ZNF510: variants seen among roughly 807,000 people sequenced by gnomAD.
ZNF510 encodes zinc finger protein 510.
In ZNF510, 15 loss-of-function variants were observed where a neutral mutation model predicts 18.1. That is an observed-to-expected ratio of 0.83 (90% confidence interval 0.55 to 1.28). The LOEUF (loss-of-function observed/expected upper bound fraction) is 1.28. Among genes scored for constraint, ZNF510 ranks in the 50% most tolerant of loss-of-function variants. The pLI is 0.00. For missense variants in ZNF510, 724 were observed against 791.8 expected, an observed-to-expected ratio of 0.91 and a Z score of 1.03; for synonymous variants, 261 against 266.4, an observed-to-expected ratio of 0.98 and a Z score of 0.20.
At position 96,755,717 on chromosome 9, in the gene ZNF510, G is replaced by C. The variant is rs1019869454; in HGVS notation, c.*3061C>G. ...TATCAGAATGTTTAATCAGTCATAT[G>C]CACTATCTTTACAAATGACAATTTA... is the stretch of plus-strand genomic sequence containing the variant. On this transcript the variant is annotated 3_prime_UTR_variant, in exon 6 of 6. Coordinates refer to ENST00000223428, the MANE Select transcript of ZNF510 (RefSeq NM_014930.3). 6.6e-6 allele frequency: 1 copy of C among 152,126 alleles called. No homozygotes were observed. Among genetic ancestry groups the C allele is most frequent in the Non-Finnish European group, 1.5e-5 (1 of 68,020 alleles). 9.4% of individuals were successfully genotyped at this position (152,126 alleles called of 1,614,324 possible).
Position 96,774,801 on chromosome 9 carries a change from A to AT in ZNF510, c.115dup (p.Met39AsnfsTer85). On this transcript the variant is annotated frameshift_variant, in exon 3 of 6. Transcript: ENST00000223428. LOFTEE classifies it high-confidence loss of function. The stretch of plus-strand genomic sequence containing the variant: ...TAATTAACTCACCTGAGATATGTTC[A>AT]TTTTCTGCTGCTCCTGAAAGAGTGT... The AT allele has an allele frequency of 3.1e-6, 5 of 1,613,778 alleles. No homozygotes were observed. The highest frequency in any genetic ancestry group is 4.2e-6 in the Non-Finnish European group (5 of 1,179,956).
In ZNF510 at chr9:96,759,842, TAA is replaced by T; in HGVS notation, c.986_987del (p.Leu329GlnfsTer8). 1 of 1,613,674 alleles carries T rather than the reference TAA, an allele frequency of 6.2e-7. No homozygotes were observed. The highest frequency in any genetic ancestry group is 1.3e-5 in the African/African-American group (1 of 75,042). ...EKSTVEEYNK[L>X]NMGIKHYELN... ...AATTCATAATGTTTTATACCCATAT[TAA>T]GTTTATTATATTCCTCCACAGTTGA... is the stretch of plus-strand genomic sequence containing the variant. On this transcript the variant is annotated frameshift_variant, in exon 6 of 6. Coordinates refer to ENST00000223428, the MANE Select transcript of ZNF510 (RefSeq NM_014930.3). LOFTEE classifies it low-confidence loss of function (END_TRUNC).
intron 3 of ZNF510, among the ~76,000 whole-genome samples, chr9:96,773,556 A>C (rs1849626610): frequency 6.6e-6 from 1 of 151,966 alleles, no homozygotes; most frequent in Non-Finnish European, 1.5e-5. Flanking sequence ...CAGCTCTCAG[A>C]AGGAACCAAA....
intron 3 of ZNF510, among the ~76,000 whole-genome samples, chr9:96,766,681 A>C (rs752016159): frequency 3.9e-5 from 6 of 152,232 alleles, no homozygotes; most frequent in Non-Finnish European, 5.9e-5. Context: ...AATTACAAAA[A>C]ATTACAATCA....
intron 5 of ZNF510, among the ~76,000 whole-genome samples, chr9:96,762,204 T>TAAAAAAAAAAAA (rs551652153): frequency 1.0e-5 from 1 of 99,460 alleles, no homozygotes; most frequent in Non-Finnish European, 2.1e-5. Flanking sequence ...CTGTGGAAAT[T>TAAAAAAAAAAAA]AAAAAAAAAA....
At chr9:96,776,722 T>C (rs1372667707) in intron 1 of ZNF510, among the ~76,000 whole-genome samples, 1 of 151,932 alleles carries the variant, frequency 6.6e-6, no homozygotes, top group Non-Finnish European at 1.5e-5. Context: ...GAGGTGGAGG[T>C]TGCAGTGAGC....
At chr9:96,771,025 G>A (rs996930425) in intron 3 of ZNF510, among the ~76,000 whole-genome samples, 4 of 152,174 alleles carry the variant, frequency 2.6e-5, no homozygotes, top group African/African-American at 9.7e-5. Context: ...AAACTCCAAT[G>A]CTAGACTACC....
intron 3 of ZNF510, among the ~76,000 whole-genome samples, chr9:96,764,208 G>T (rs1849418662): frequency 6.6e-6 from 1 of 152,040 alleles, no homozygotes; most frequent in Non-Finnish European, 1.5e-5. Flanking sequence ...GCCAAAAAAT[G>T]TAAATAAACT....
chr9:96,777,063 C>T (rs1480962995), intron 1 of ZNF510, among the ~76,000 whole-genome samples: 2 of 152,170 alleles, frequency 1.3e-5, no homozygotes, highest in Non-Finnish European at 2.9e-5. Flanking sequence ...ACTAGTTTAA[C>T]ATTTAAAATT....
chr9:96,765,137 C>CAAA (rs1178042123), intron 3 of ZNF510, among the ~76,000 whole-genome samples: 12 of 151,996 alleles, frequency 7.9e-5, no homozygotes, highest in Non-Finnish European at 1.0e-4. Flanking sequence ...ACAACAACAA[C>CAAA]AAAAAACTGA....
In ZNF510 at chr9:96,759,184, C is replaced by T; in HGVS notation, c.1646G>A (p.Cys549Tyr). Residue 549 changes from cysteine (C) to tyrosine (Y), a missense_variant, in exon 6 of 6, where the codon TGT (cysteine) becomes TAT (tyrosine). Transcript: ENST00000223428. Reference sequence around the variant, plus strand: ...ATCTTTTCGCCAGAAGGATTTTTCACATTCATTACACTGGTAAGTTTTCTC... The same window carrying T: ...ATCTTTTCGCCAGAAGGATTTTTCATATTCATTACACTGGTAAGTTTTCTC... ...TGEKTYQCNE[C>Y]EKSFWRKDHL... 6.2e-7 allele frequency: 1 copy of T among 1,613,750 alleles called. No individual in the cohort carries two copies. Among genetic ancestry groups the T allele is most frequent in the Non-Finnish European group, 8.5e-7 (1 of 1,179,944 alleles).
intron 2 of ZNF510, 48 bp downstream of exon 2, chr9:96,775,952 T>C: frequency 6.3e-7 from 1 of 1,575,520 alleles, no homozygotes; most frequent in Non-Finnish European, 8.6e-7. Flanking sequence ...TAATGTGGCT[T>C]TTCCTGTGCA....
chr9:96,775,954 T>C, intron 2 of ZNF510, 46 bp downstream of exon 2: 1 of 1,577,828 alleles, frequency 6.3e-7, no homozygotes, highest in South Asian at 1.2e-5. Context: ...ATGTGGCTTT[T>C]CCTGTGCAGT....
rs763893442 is a variant in ZNF510, at chr9:96,759,763, G to A, written c.1067C>T (p.Thr356Ile). Reference sequence around the variant, plus strand: ...CAATGGGTTCTCTTCTATGACAGCTGTTTGAGGATCAGTGAGGTGTGCCTT... The same window carrying A: ...CAATGGGTTCTCTTCTATGACAGCTATTTGAGGATCAGTGAGGTGTGCCTT... ...NRKAHLTDPQ[T>I]AVIEENPLVS... Residue 356 changes from threonine (T) to isoleucine (I), a missense_variant, in exon 6 of 6, where the codon ACA becomes ATA. By Grantham distance (89) the Thr-to-Ile change is moderately conservative. Coordinates refer to ENST00000223428, the MANE Select transcript of ZNF510 (RefSeq NM_014930.3). 4 of 1,614,034 alleles carry A rather than the reference G, an allele frequency of 2.5e-6. No homozygotes were observed. The highest frequency in any genetic ancestry group is 3.4e-6 in the Non-Finnish European group (4 of 1,179,992).
chr9:96,775,500 C>T (rs1177756519), intron 2 of ZNF510, among the ~76,000 whole-genome samples: 1 of 151,906 alleles, frequency 6.6e-6, no homozygotes, highest in African/African-American at 2.4e-5. Context: ...AAACACAAAA[C>T]TGAAAAAAAG....
At chr9:96,763,358 G>C in intron 4 of ZNF510, 145 bp from the exon 5 acceptor site, 1 of 1,269,614 alleles carries the variant, frequency 7.9e-7, no homozygotes, top group Non-Finnish European at 1.1e-6. Flanking sequence ...ATTCTTTCTA[G>C]TCCTCGACAG....
At position 96,773,066 on chromosome 9, in the gene ZNF510, C is replaced by A. The variant is rs191182228; in HGVS notation, c.129+1722G>T. Among the ~76,000 whole-genome samples the A allele has an allele frequency of 4.1e-4, 62 of 152,328 alleles. 2 individuals carry two copies. Among genetic ancestry groups the A allele is most frequent in the Admixed American group, 3.7e-3 (57 of 15,298 alleles). On this transcript the variant is annotated intron_variant, in intron 3 of 5. Transcript: ENST00000223428. ...GGAAATATTAAGATACAGAGCAAAACATTCCCTTGAAAACTGTAAAAGAAT... is the reference window on the plus strand; with the variant it reads ...GGAAATATTAAGATACAGAGCAAAAAATTCCCTTGAAAACTGTAAAAGAAT...
At chr9:96,771,604 T>A (rs934357258) in intron 3 of ZNF510, among the ~76,000 whole-genome samples, 1 of 152,150 alleles carries the variant, frequency 6.6e-6, no homozygotes, top group Non-Finnish European at 1.5e-5. Context: ...TACTAAACAT[T>A]TTACTGGAAG....
Position 96,771,060 on chromosome 9 carries a change from T to A in ZNF510, c.129+3728A>T, listed in dbSNP as rs146129171. On this transcript the variant is annotated intron_variant, in intron 3 of 5. Coordinates refer to ENST00000223428, the MANE Select transcript of ZNF510 (RefSeq NM_014930.3). ...CTCACAGGTATATTTTTCCAAACAT[T>A]TAAGGATGAAATAACAGCAATCTTA... 5.5e-3 allele frequency among the ~76,000 whole-genome samples: 832 copies of A among 152,226 alleles called. 7 individuals carry two copies. Among genetic ancestry groups the A allele is most frequent in the African/African-American group, 0.019 (774 of 41,536 alleles).
Sources: allele counts gnomAD v4.1 joint callset (sites outside exome capture counted in the v4.1 genomes callset), GRCh38; gene constraint gnomAD v4.1.1; transcripts MANE v1.5; gene names NCBI Gene and HGNC (gene_info 2026-07-23, HGNC 2026-07-21).